PPM1H: variants seen among roughly 807,000 people sequenced by gnomAD.
PPM1H encodes protein phosphatase 1H.
In PPM1H, 27 loss-of-function variants were observed where a neutral mutation model predicts 54.9. The observed-to-expected ratio is 0.49, with a 90% CI of 0.36 to 0.68. The LOEUF is 0.68. PPM1H is among the 30% of genes least tolerant of loss of function. PPM1H has a pLI of 0.00. For missense variants in PPM1H, 596 were observed against 667.8 expected, an observed-to-expected ratio of 0.89 and a Z score of 1.19; for synonymous variants, 305 against 270.8, an observed-to-expected ratio of 1.13 and a Z score of -1.24.
At chr12:62,849,044 G>A (rs921472824) in intron 1 of PPM1H, among the ~76,000 whole-genome samples, 19 of 152,156 alleles carry the variant, frequency 1.2e-4, no homozygotes, top group Non-Finnish European at 2.8e-4. Context: ...TGGAATTCCT[G>A]TTAGGAAATG....
At chr12:62,926,500 G>T (rs1871974398) in intron 1 of PPM1H, among the ~76,000 whole-genome samples, 1 of 151,926 alleles carries the variant, frequency 6.6e-6, no homozygotes, top group African/African-American at 2.4e-5. Flanking sequence ...ATTAAATTTT[G>T]CATTGCAAAG....
At chr12:62,760,162 C>A (rs1038980075) in intron 4 of PPM1H, among the ~76,000 whole-genome samples, 1 of 152,168 alleles carries the variant, frequency 6.6e-6, no homozygotes, top group East Asian at 1.9e-4. Flanking sequence ...GAAAATGGCA[C>A]TTTTGATTTC....
At chr12:62,715,278 T>C (rs1362587213) in intron 6 of PPM1H, among the ~76,000 whole-genome samples, 1 of 152,014 alleles carries the variant, frequency 6.6e-6, no homozygotes, top group African/African-American at 2.4e-5. Context: ...GGGCCCCAGC[T>C]TGGGGATTCT....
chr12:62,750,827 C>A (rs565050094), intron 4 of PPM1H, among the ~76,000 whole-genome samples: 3 of 152,182 alleles, frequency 2.0e-5, no homozygotes, highest in South Asian at 2.1e-4. Flanking sequence ...TTTAAAGGCA[C>A]CTTGCTGAAA....
At chr12:62,667,426 G>T in intron 8 of PPM1H, 97 bp from the exon 9 acceptor site, 2 of 1,131,054 alleles carry the variant, frequency 1.8e-6, no homozygotes, top group Non-Finnish European at 2.5e-6. Flanking sequence ...TTCCTGCCCA[G>T]CCTAGTGGTT....
At chr12:62,699,676 T>C (rs1011228137) in intron 6 of PPM1H, among the ~76,000 whole-genome samples, 1 of 152,226 alleles carries the variant, frequency 6.6e-6, no homozygotes, top group Non-Finnish European at 1.5e-5. Flanking sequence ...ACTGTCCTCA[T>C]GGATTTCAAC....
chr12:62,891,778 T>A lies in PPM1H; in HGVS notation c.245+42714A>T, dbSNP rs192203070. Among the ~76,000 whole-genome samples the A allele has an allele frequency of 2.7e-3, 412 of 152,310 alleles. 2 individuals are homozygous for A. Among genetic ancestry groups the A allele is most frequent in the African/African-American group, 9.3e-3 (386 of 41,578 alleles). On this transcript the variant is annotated intron_variant, in intron 1 of 9. Coordinates refer to ENST00000228705, the MANE Select transcript of PPM1H (RefSeq NM_020700.2). ...AATTACAAGTGGATCACTATACTCT[T>A]CAGTGAATATATTCTTTACTGTTCA...
At position 62,801,758 on chromosome 12, in the gene PPM1H, C is replaced by T. The variant is rs955957016; in HGVS notation, c.756+58G>A. On this transcript the variant is annotated intron_variant, in intron 3 of 9. Coordinates refer to ENST00000228705, the MANE Select transcript of PPM1H (RefSeq NM_020700.2). ...CTGGGAGCCCTCCAGGAAGGACGGA[C>T]AGACCTGGCGCAGGCGCCAGCCTGG... The T allele has an allele frequency of 3.8e-6, 6 of 1,576,720 alleles. No homozygotes were observed. The East Asian group carries it at 1.1e-4, about 30-fold the overall frequency.
intron 1 of PPM1H, among the ~76,000 whole-genome samples, chr12:62,875,534 T>C (rs560014605): frequency 2.6e-5 from 4 of 152,104 alleles, no homozygotes; most frequent in Non-Finnish European, 5.9e-5. Context: ...AAATTAGGCT[T>C]TAGGAATGGG....
intron 1 of PPM1H, among the ~76,000 whole-genome samples, chr12:62,833,272 C>T (rs1185800101): frequency 1.3e-5 from 2 of 152,168 alleles, no homozygotes; most frequent in African/African-American, 4.8e-5. Context: ...AAAATTAGCT[C>T]TATAAGTGTG....
At chr12:62,820,021 C>G (rs577046341) in intron 2 of PPM1H, among the ~76,000 whole-genome samples, 1 of 152,210 alleles carries the variant, frequency 6.6e-6, no homozygotes. Flanking sequence ...CTTTCCCAGC[C>G]AAGGGAATCC....
At chr12:62,778,280 T>C (rs1592594549) in intron 4 of PPM1H, among the ~76,000 whole-genome samples, 1 of 152,234 alleles carries the variant, frequency 6.6e-6, no homozygotes, top group Non-Finnish European at 1.5e-5. Context: ...AACTGCTAAC[T>C]GTCCACCAAA....
At chr12:62,892,594 G>T (rs966920260) in intron 1 of PPM1H, among the ~76,000 whole-genome samples, 4 of 152,092 alleles carry the variant, frequency 2.6e-5, no homozygotes, top group Admixed American at 2.0e-4. Context: ...TTTAAATTTT[G>T]AGTCACAATT....
intron 3 of PPM1H, among the ~76,000 whole-genome samples, chr12:62,795,838 T>C (rs1248096563): frequency 6.6e-6 from 1 of 152,158 alleles, no homozygotes; most frequent in African/African-American, 2.4e-5. Context: ...ATGATTCTCA[T>C]GCCTCAGCCT....
chr12:62,713,152 G>A lies in PPM1H; in HGVS notation c.1073+7019C>T, dbSNP rs150537890. ...TCTCTCTCCAGAAAGCGTTTGGATG[G>A]TTGGTGAGAAGCCTGATGCTGTGGG... On this transcript the variant is annotated intron_variant, in intron 6 of 9. Transcript: ENST00000228705. 4.4e-3 allele frequency among the ~76,000 whole-genome samples: 671 copies of A among 152,312 alleles called. 6 individuals carry two copies. The highest frequency in any genetic ancestry group is 0.015 in the African/African-American group (637 of 41,568).
In PPM1H at chr12:62,832,162, T is replaced by C. The variant is rs1329883602; in HGVS notation, c.363A>G (p.Arg121=). 17 of 1,613,750 alleles carry C rather than the reference T, an allele frequency of 1.1e-5. No individual in the cohort carries two copies. Among genetic ancestry groups the C allele is most frequent in the East Asian group, 2.2e-5 (1 of 44,868 alleles). The part of the protein sequence containing the change: ...TSTPNRNSSK[R]RSSLPNGEGL... Reference sequence around the variant, plus strand: ...CTTCCCCATTGGGAAGGGAGGACCGTCTCTTGGATGAGTTCCTGTTTGGGG... The same window carrying C: ...CTTCCCCATTGGGAAGGGAGGACCGCCTCTTGGATGAGTTCCTGTTTGGGG... Residue 121 remains arginine (R), a synonymous_variant, in exon 2 of 10, where the codon AGA becomes AGG. Transcript: ENST00000228705.
intron 2 of PPM1H, among the ~76,000 whole-genome samples, chr12:62,802,939 T>C (rs1359911199): frequency 6.6e-6 from 1 of 152,144 alleles, no homozygotes; most frequent in East Asian, 1.9e-4. Context: ...AGGTTTGATC[T>C]GGGGCCTTGG....
At chr12:62,788,125 G>A (rs1451332698) in intron 4 of PPM1H, 101 bp downstream of exon 4, 2 of 799,732 alleles carry the variant, frequency 2.5e-6, no homozygotes, top group South Asian at 3.3e-5. Context: ...TGATGTAGAA[G>A]GCCTGTCTTT....
chr12:62,858,716 T>C (rs1869487342), intron 1 of PPM1H, among the ~76,000 whole-genome samples: 3 of 152,228 alleles, frequency 2.0e-5, no homozygotes, highest in Admixed American at 2.0e-4. Context: ...ATCAAAATCT[T>C]CTTAAGGCTT....
Sources: gnomAD v4.1 joint callset for allele counts (sites outside exome capture counted in the v4.1 genomes callset) on GRCh38, gnomAD v4.1.1 for gene constraint, MANE v1.5 for transcripts, NCBI Gene and HGNC (gene_info 2026-07-23, HGNC 2026-07-21) for gene names.